Variants in TPO observed in about 807,000 individuals in gnomAD.
TPO encodes the protein thyroid microsomal antigen.
Under a neutral mutation model 96.9 loss-of-function variants are expected in TPO, and 78 were observed. That is an observed-to-expected ratio of 0.81 (90% CI 0.67 to 0.97). The LOEUF is 0.97. Among genes scored for constraint, TPO ranks in the 50% least tolerant of loss-of-function variants. The pLI, the probability that TPO is intolerant of heterozygous loss-of-function variation, is 0.00. For missense variants in TPO, 1,252 were observed against 1,274.8 expected, an observed-to-expected ratio of 0.98 and a Z score of 0.27; for synonymous variants, 547 against 538.0, an observed-to-expected ratio of 1.02 and a Z score of -0.23.
chr2:1,483,951 T>G (rs564558354), intron 8 of TPO, among the ~76,000 whole-genome samples: 1 of 152,318 alleles, frequency 6.6e-6, no homozygotes, highest in African/African-American at 2.4e-5. Context: ...AAAGAGAAGA[T>G]TCATATTCTA....
chr2:1,525,945 C>T, intron 15 of TPO, among the ~76,000 whole-genome samples: 1 of 131,276 alleles, frequency 7.6e-6, no homozygotes, highest in African/African-American at 2.9e-5. Context: ...CCTCATATCC[C>T]CCGACTGTTT....
At position 1,422,337 on chromosome 2, in the gene TPO, C is replaced by CGTGCAGGTGCCGCG. The variant is rs1663710934; in HGVS notation, c.95-708_95-707insGTGCAGGTGCCGCG. On this transcript the variant is annotated intron_variant, in intron 2 of 16. Transcript: ENST00000329066. ...GGACAGACCTCGTGCAGGCGCCTCTCCTGGACCGACCTCGTGCAGGCGCCG... is the reference window on the plus strand; with the variant it reads ...GGACAGACCTCGTGCAGGCGCCTCTCGTGCAGGTGCCGCGCTGGACCGACCTCGTGCAGGCGCCG... Among the ~76,000 whole-genome samples the CGTGCAGGTGCCGCG allele has an allele frequency of 2.4e-3, 201 of 83,100 alleles. 4 individuals carry two copies. Among genetic ancestry groups the CGTGCAGGTGCCGCG allele is most frequent in the African/African-American group, 6.6e-3 (162 of 24,436 alleles). 54.5% of individuals were successfully genotyped at this position (83,100 alleles called of 152,430 possible). A position where few individuals can be genotyped will look rare whatever the true frequency, so the allele number is the denominator to read the frequency against.
intron 5 of TPO, among the ~76,000 whole-genome samples, chr2:1,452,387 C>T (rs1230764072): frequency 6.6e-6 from 1 of 152,248 alleles, no homozygotes; most frequent in Non-Finnish European, 1.5e-5. Context: ...GAGATCCTTC[C>T]TATTTATGCC....
chr2:1,521,197 G>A (rs1410650666), intron 15 of TPO, among the ~76,000 whole-genome samples: 1 of 152,146 alleles, frequency 6.6e-6, no homozygotes, highest in Non-Finnish European at 1.5e-5. Context: ...AAATCCATGG[G>A]AAAGCCGCGA....
chr2:1,532,927 C>G lies in TPO; in HGVS notation c.2619-7667C>G, dbSNP rs1198006042. On this transcript the variant is annotated intron_variant, in intron 15 of 16. Coordinates refer to ENST00000329066, the MANE Select transcript of TPO (RefSeq NM_001206744.2). Reference sequence around the variant, plus strand: ...CTCCCTATGTGCAACCTCGCAAAATCTCCCCCACTATGTGCAACCTCCTCA... The same window carrying G: ...CTCCCTATGTGCAACCTCGCAAAATGTCCCCCACTATGTGCAACCTCCTCA... Among the ~76,000 whole-genome samples the G allele has an allele frequency of 3.5e-5, 4 of 115,510 alleles. No individual in the cohort carries two copies. In the East Asian group the frequency reaches 1.1e-3, roughly 31 times the overall value. 75.8% of individuals were successfully genotyped at this position (115,510 alleles called of 152,430 possible).
chr2:1,403,318 C>T (rs1277068449), intron 1 of TPO, among the ~76,000 whole-genome samples: 1 of 152,190 alleles, frequency 6.6e-6, no homozygotes, highest in African/African-American at 2.4e-5. Context: ...ATGCTTGGGT[C>T]AGTCCCCTTG....
chr2:1,421,540 TG>T (rs1039691523), intron 2 of TPO, among the ~76,000 whole-genome samples: 2 of 151,578 alleles, frequency 1.3e-5, no homozygotes, highest in Admixed American at 6.6e-5. Flanking sequence ...CCTGGGGAGG[TG>T]GGGGGCGGGG....
intron 7 of TPO, among the ~76,000 whole-genome samples, chr2:1,474,402 G>T (rs1669709533): frequency 6.6e-6 from 1 of 152,098 alleles, no homozygotes; most frequent in South Asian, 2.1e-4. Flanking sequence ...TGATCTGTAT[G>T]CCCTGTCCTT....
At chr2:1,520,770 C>T (rs900031789) in intron 15 of TPO, among the ~76,000 whole-genome samples, 1 of 152,192 alleles carries the variant, frequency 6.6e-6, no homozygotes, top group African/African-American at 2.4e-5. Flanking sequence ...AAAATTCATT[C>T]CTCAAATCAG....
intron 1 of TPO, among the ~76,000 whole-genome samples, chr2:1,403,453 G>C (rs183978144): frequency 6.8e-4 from 104 of 152,332 alleles, no homozygotes; most frequent in Middle Eastern, 3.4e-3. Flanking sequence ...GACACAGTGG[G>C]GCCACAGCAC....
chr2:1,512,621 A>G (rs986278310), intron 14 of TPO: 1 of 399,732 alleles, frequency 2.5e-6, no homozygotes, highest in Non-Finnish European at 3.4e-6. Context: ...GCAGCCCCTC[A>G]AGCAGCTGGC....
At chr2:1,460,681 T>G (rs2148615206) in intron 7 of TPO, among the ~76,000 whole-genome samples, 1 of 152,288 alleles carries the variant, frequency 6.6e-6, no homozygotes, top group African/African-American at 2.4e-5. Context: ...AATGAACGTG[T>G]ATTGTTATTG....
At chr2:1,529,478 A>C (rs1015863632) in intron 15 of TPO, among the ~76,000 whole-genome samples, 3 of 43,634 alleles carry the variant, frequency 6.9e-5, no homozygotes, top group Non-Finnish European at 3.9e-5. Flanking sequence ...ATATCCCCCC[A>C]CTGTGAGCAA....
At chr2:1,443,083 C>T (rs1168240869) in intron 5 of TPO, among the ~76,000 whole-genome samples, 2 of 152,194 alleles carry the variant, frequency 1.3e-5, no homozygotes, top group African/African-American at 4.8e-5. Context: ...AACAAACAAA[C>T]AAAAAATTGT....
At chr2:1,540,020 T>G (rs897772501) in intron 15 of TPO, among the ~76,000 whole-genome samples, 1 of 152,180 alleles carries the variant, frequency 6.6e-6, no homozygotes, top group Non-Finnish European at 1.5e-5. Context: ...TAACTTGCTC[T>G]TCCCTCCTCA....
intron 11 of TPO, among the ~76,000 whole-genome samples, chr2:1,494,374 G>T (rs1301358628): frequency 1.3e-5 from 2 of 152,212 alleles, no homozygotes; most frequent in Non-Finnish European, 2.9e-5. Context: ...CACGTCCCAT[G>T]ACAATGCCCG....
intron 14 of TPO, chr2:1,512,423 C>A (rs952616164): frequency 1.0e-6 from 1 of 985,350 alleles, no homozygotes; most frequent in Non-Finnish European, 1.2e-6. Flanking sequence ...CCGAGAGAGC[C>A]CCTGAGCCCG....
chr2:1,473,333 C>G (rs1669610061), intron 7 of TPO, among the ~76,000 whole-genome samples: 1 of 152,194 alleles, frequency 6.6e-6, no homozygotes, highest in Non-Finnish European at 1.5e-5. Context: ...CCCCACAGGC[C>G]TAGATAGCAC....
At position 1,413,545 on chromosome 2, in the gene TPO, G is replaced by T; in HGVS notation, c.-2G>T. On this transcript the variant is annotated splice_region_variant and 5_prime_UTR_variant, in exon 1 of 17. Transcript: ENST00000329066. ...GCAGTTGGCTGAGAAGAGGAAAAAA[G>T]GTCAGGTTGTAAAGCTTTTTATTTT... is the stretch of plus-strand genomic sequence containing the variant. 1 of 479,536 alleles carries T rather than the reference G, an allele frequency of 2.1e-6. No homozygotes were observed. Among genetic ancestry groups the T allele is most frequent in the Non-Finnish European group, 2.7e-6 (1 of 367,774 alleles). The allele number at this position is 479,536 out of a possible 1,614,324, so 29.7% of individuals were successfully genotyped here.
Sources: allele counts gnomAD v4.1 joint callset (sites outside exome capture counted in the v4.1 genomes callset), GRCh38; gene constraint gnomAD v4.1.1; transcripts MANE v1.5; gene names NCBI Gene and HGNC (gene_info 2026-07-23, HGNC 2026-07-21).